Variants in SKAP1 observed in about 807,000 individuals in gnomAD.
The protein encoded by SKAP1 is src kinase associated phosphoprotein 1.
In SKAP1, 44 loss-of-function variants were observed where a neutral mutation model predicts 58.5. That is an observed-to-expected ratio of 0.75 (90% confidence interval 0.59 to 0.97). The LOEUF (loss-of-function observed/expected upper bound fraction) is 0.97, where lower values mean the gene tolerates loss of function less well. SKAP1 is among the 50% of genes least tolerant of loss of function. The probability of loss-of-function intolerance (pLI) is 0.00; values close to 1 mark genes in which losing one functional copy is unlikely to be tolerated. For missense variants in SKAP1, 390 were observed against 435.2 expected (o/e 0.90, Z 0.92); for synonymous variants, 127 against 149.7 (o/e 0.85, Z 1.11).
intron 2 of SKAP1, among the ~76,000 whole-genome samples, chr17:48,369,719 C>T (rs556876569): frequency 1.4e-4 from 22 of 152,092 alleles, no homozygotes; most frequent in Non-Finnish European, 2.4e-4. Flanking sequence ...ATTATTATGC[C>T]CATTTTCTAA....
chr17:48,402,942 T>G (rs2067519158), intron 1 of SKAP1, among the ~76,000 whole-genome samples: 1 of 152,028 alleles, frequency 6.6e-6, no homozygotes, highest in Non-Finnish European at 1.5e-5. Context: ...GAGGTTCAGG[T>G]TTTCTTTCGG....
At chr17:48,276,408 A>T (rs1053856383) in intron 4 of SKAP1, among the ~76,000 whole-genome samples, 1 of 152,210 alleles carries the variant, frequency 6.6e-6, no homozygotes, top group African/African-American at 2.4e-5. Flanking sequence ...AAACACTAAT[A>T]TATCTTAATG....
At position 48,304,719 on chromosome 17, in the gene SKAP1, A is replaced by T. The variant is rs190977647; in HGVS notation, c.280+41186T>A. On this transcript the variant is annotated intron_variant, in intron 4 of 12. Transcript: ENST00000336915. ...AGTATTTGTTTTCCAAAGACAAGCT[A>T]TGGGAAGTCTTGTTTTCCAAGGCAG... Among the ~76,000 whole-genome samples, 596 of 152,344 alleles carry T rather than the reference A, an allele frequency of 3.9e-3. 2 individuals are homozygous for T. Among genetic ancestry groups the T allele is most frequent in the Admixed American group, 7.0e-3 (107 of 15,300 alleles).
chr17:48,169,110 T>A (rs201835477), intron 10 of SKAP1, among the ~76,000 whole-genome samples: 1 of 49,916 alleles, frequency 2.0e-5, no homozygotes, highest in African/African-American at 6.4e-5. Flanking sequence ...GAACAAAAGG[T>A]TTTTTTTTTT....
intron 1 of SKAP1, among the ~76,000 whole-genome samples, chr17:48,424,389 C>G (rs1208746517): frequency 1.3e-5 from 2 of 151,684 alleles, no homozygotes; most frequent in Non-Finnish European, 2.9e-5. Flanking sequence ...CCACGCCCAG[C>G]TAATTTTTTG....
chr17:48,187,524 TA>T (rs1308112761), intron 6 of SKAP1, among the ~76,000 whole-genome samples: 1 of 152,182 alleles, frequency 6.6e-6, no homozygotes, highest in Middle Eastern at 3.2e-3. Flanking sequence ...TTGATGCCTG[TA>T]AAGAGTTTGA....
chr17:48,323,886 T>A (rs997842942), intron 4 of SKAP1, among the ~76,000 whole-genome samples: 1 of 152,076 alleles, frequency 6.6e-6, no homozygotes, highest in Non-Finnish European at 1.5e-5. Flanking sequence ...CCAGGTCTGG[T>A]TGGCATATTC....
chr17:48,316,427 T>C (rs775428337), intron 4 of SKAP1, among the ~76,000 whole-genome samples: 1 of 152,176 alleles, frequency 6.6e-6, no homozygotes, highest in African/African-American at 2.4e-5. Flanking sequence ...TCTCATTTCA[T>C]TCAGTTTTCT....
chr17:48,334,631 A>G (rs2066545394), intron 4 of SKAP1, among the ~76,000 whole-genome samples: 1 of 151,936 alleles, frequency 6.6e-6, no homozygotes, highest in Non-Finnish European at 1.5e-5. Context: ...AATCTGACAC[A>G]GATCAAGAAA....
chr17:48,190,645 A>G (rs1323207079), intron 4 of SKAP1, among the ~76,000 whole-genome samples: 2 of 152,284 alleles, frequency 1.3e-5, no homozygotes, highest in Non-Finnish European at 2.9e-5. Context: ...AAGAAGGGCT[A>G]TGCAAGCTGA....
intron 1 of SKAP1, among the ~76,000 whole-genome samples, chr17:48,420,102 G>A (rs190260747): frequency 1.3e-5 from 2 of 152,236 alleles, no homozygotes; most frequent in Admixed American, 6.5e-5. Context: ...CAATGAACTC[G>A]GAAACACAGG....
At chr17:48,246,512 T>C (rs1367528240) in intron 4 of SKAP1, among the ~76,000 whole-genome samples, 1 of 152,240 alleles carries the variant, frequency 6.6e-6, no homozygotes, top group Non-Finnish European at 1.5e-5. Context: ...TTATTTTTTA[T>C]TTTTATAGTC....
At chr17:48,301,719 C>G (rs535262068) in intron 4 of SKAP1, among the ~76,000 whole-genome samples, 1 of 152,136 alleles carries the variant, frequency 6.6e-6, no homozygotes, top group South Asian at 2.1e-4. Flanking sequence ...TCAGCTGATC[C>G]GCCCACCTTG....
At chr17:48,418,404 T>C (rs1210862675) in intron 1 of SKAP1, among the ~76,000 whole-genome samples, 4 of 152,130 alleles carry the variant, frequency 2.6e-5, no homozygotes, top group African/African-American at 9.7e-5. Context: ...ATTTAAAAAA[T>C]GCATGGGCCA....
At chr17:48,433,511 C>G (rs2067928565), upstream of SKAP1, among the ~76,000 whole-genome samples, 2 of 152,190 alleles carry the variant, frequency 1.3e-5, no homozygotes, top group African/African-American at 4.8e-5. Flanking sequence ...CCCGTCCCCC[C>G]CAGACCCAAT....
chr17:48,237,576 A>C (rs1390396223), intron 4 of SKAP1, among the ~76,000 whole-genome samples: 1 of 152,230 alleles, frequency 6.6e-6, no homozygotes, highest in Non-Finnish European at 1.5e-5. Flanking sequence ...CAAAATTTGC[A>C]TTCTAGAGGG....
At chr17:48,286,699 C>T (rs1362364418) in intron 4 of SKAP1, among the ~76,000 whole-genome samples, 1 of 152,228 alleles carries the variant, frequency 6.6e-6, no homozygotes, top group Non-Finnish European at 1.5e-5. Context: ...CACACACACA[C>T]TCGACTTCTT....
rs1435964716 is a variant in SKAP1 at position 48,185,123 on chromosome 17, A to G, written c.443-276T>C. On this transcript the variant is annotated intron_variant, in intron 6 of 12. Coordinates refer to ENST00000336915, the MANE Select transcript of SKAP1 (RefSeq NM_003726.4). ...TTATTAGAATGTTAAGAGATCTATA[A>G]CAACAGAAAGAAGGAATTATTACAG... The G allele has an allele frequency of 9.0e-6, 3 of 333,052 alleles. No individual in the cohort carries two copies. The East Asian group carries it at 2.1e-4, about 23-fold the overall frequency. 20.6% of individuals were successfully genotyped at this position (333,052 alleles called of 1,614,324 possible). A position where few individuals can be genotyped will look rare whatever the true frequency, so the allele number is the denominator to read the frequency against.
At chr17:48,382,022 C>G (rs755561185) in intron 2 of SKAP1, among the ~76,000 whole-genome samples, 1 of 152,086 alleles carries the variant, frequency 6.6e-6, no homozygotes, top group Non-Finnish European at 1.5e-5. Context: ...GCTATGTAAC[C>G]TTGAGCAAGT....
Sources: gnomAD v4.1 joint callset for allele counts (sites outside exome capture counted in the v4.1 genomes callset) on GRCh38, gnomAD v4.1.1 for gene constraint, MANE v1.5 for transcripts, NCBI Gene and HGNC (gene_info 2026-07-23, HGNC 2026-07-21) for gene names.